DCAF8L2: variants seen among roughly 807,000 people sequenced by gnomAD.
DCAF8L2 encodes DDB1 and CUL4 associated factor 8 like 2, also known as DDB1- and CUL4-associated factor 8-like protein 2.
For missense variants in DCAF8L2, 430 were observed against 490.7 expected (o/e 0.88, Z 1.17); for synonymous variants, 200 against 190.9 (o/e 1.05, Z -0.39).
At chrX:27,691,798 A>G (rs1346717107) in intron 3 of DCAF8L2, among the ~76,000 whole-genome samples, 1 of 111,965 alleles carries the variant, frequency 8.9e-6, no homozygotes, top group Non-Finnish European at 1.9e-5. Context: ...TTTAAAACCC[A>G]TTTTATTATG....
the DCAF8L2 span, among the ~76,000 whole-genome samples, chrX:27,493,711 AAAAAAAAAAAAAG>A: frequency 0.015 from 539 of 36,053 alleles, 6 homozygotes; most frequent in East Asian, 0.051. Context: ...CATCTCAAAA[AAAAAAAAAAAAAG>A]AAAAAAAAAA....
At chrX:27,712,149 G>A (rs1931555042) in intron 3 of DCAF8L2, among the ~76,000 whole-genome samples, 1 of 111,135 alleles carries the variant, frequency 9.0e-6, no homozygotes, top group Non-Finnish European at 1.9e-5. Flanking sequence ...CCGGATTTTG[G>A]CATTATTTTA....
the DCAF8L2 span, among the ~76,000 whole-genome samples, chrX:27,573,254 TCACACA>T: frequency 1.0e-5 from 1 of 99,710 alleles, no homozygotes; most frequent in East Asian, 3.3e-4. Flanking sequence ...TCTCTCTCTC[TCACACA>T]CACACACACA....
the DCAF8L2 span, among the ~76,000 whole-genome samples, chrX:27,560,281 AAAAG>A: frequency 1.8e-5 from 2 of 109,824 alleles, no homozygotes; most frequent in Non-Finnish European, 3.8e-5. Context: ...AAAAAAAAAA[AAAAG>A]ATGACAAGGT....
chrX:27,622,688 A>G (rs746743728), intron 1 of DCAF8L2, among the ~76,000 whole-genome samples: 2 of 111,424 alleles, frequency 1.8e-5, no homozygotes, highest in East Asian at 2.8e-4. Flanking sequence ...AAAATCAGGT[A>G]CACTTAAATA....
chrX:27,647,003 A>G (rs1928965169), intron 2 of DCAF8L2, among the ~76,000 whole-genome samples: 1 of 111,580 alleles, frequency 9.0e-6, no homozygotes, highest in South Asian at 3.8e-4. Context: ...CAGTGTGGTG[A>G]CTCTTCAAAG....
intron 3 of DCAF8L2, among the ~76,000 whole-genome samples, chrX:27,708,715 A>T (rs1030333459): frequency 8.9e-6 from 1 of 112,143 alleles, no homozygotes; most frequent in Non-Finnish European, 1.9e-5. Context: ...TTTTCAGGTT[A>T]AACCCCTACC....
the DCAF8L2 span, among the ~76,000 whole-genome samples, chrX:27,491,638 C>T: frequency 1.8e-5 from 2 of 111,980 alleles, no homozygotes; most frequent in Admixed American, 9.5e-5. Flanking sequence ...ATGATGATTT[C>T]GAAACTGCAA....
chrX:27,560,541 A>C, the DCAF8L2 span, among the ~76,000 whole-genome samples: 70 of 111,881 alleles, frequency 6.3e-4, 1 homozygote, highest in Admixed American at 5.9e-3. Context: ...GGTGATAGCT[A>C]CTATGCAGCT....
the DCAF8L2 span, among the ~76,000 whole-genome samples, chrX:27,580,821 C>T: frequency 8.9e-6 from 1 of 111,785 alleles, no homozygotes; most frequent in Non-Finnish European, 1.9e-5. Context: ...TGTTTTCCTA[C>T]CTAGCTCTCT....
intron 1 of DCAF8L2, among the ~76,000 whole-genome samples, chrX:27,620,739 A>G (rs755630091): frequency 2.7e-5 from 3 of 112,088 alleles, no homozygotes; most frequent in Non-Finnish European, 5.6e-5. Context: ...GTAAAATGGT[A>G]TAATTGCTGT....
chrX:27,522,918 C>T, the DCAF8L2 span, among the ~76,000 whole-genome samples: 32 of 111,547 alleles, frequency 2.9e-4, no homozygotes, highest in African/African-American at 8.5e-4. Context: ...CTTACTAGCC[C>T]GTTCATGTAC....
chrX:27,559,132 C>T, the DCAF8L2 span, among the ~76,000 whole-genome samples: 1 of 110,739 alleles, frequency 9.0e-6, no homozygotes, highest in African/African-American at 3.3e-5. Context: ...CCTGTACAGC[C>T]CATAGAACTG....
At chrX:27,545,776 A>C in the DCAF8L2 span, among the ~76,000 whole-genome samples, 2 of 111,992 alleles carry the variant, frequency 1.8e-5, no homozygotes. Context: ...ACTTACAATC[A>C]TAGTGGAAGG....
chrX:27,606,011 GTC>G (rs1408691412), intron 1 of DCAF8L2, among the ~76,000 whole-genome samples: 2 of 107,569 alleles, frequency 1.9e-5, no homozygotes, highest in African/African-American at 6.8e-5. Context: ...GAGGGAAAGA[GTC>G]TGTTGAATAG....
At chrX:27,732,929 C>T (rs908688495) in intron 4 of DCAF8L2, among the ~76,000 whole-genome samples, 1 of 111,116 alleles carries the variant, frequency 9.0e-6, no homozygotes. Context: ...GCAACCTCGG[C>T]TCACTGCAAC....
At chrX:27,480,797 G>C in the DCAF8L2 span, among the ~76,000 whole-genome samples, 2 of 111,366 alleles carry the variant, frequency 1.8e-5, no homozygotes, top group South Asian at 7.6e-4. Context: ...TTGACCTACT[G>C]GACCCTAACT....
the DCAF8L2 span, among the ~76,000 whole-genome samples, chrX:27,580,164 G>T: frequency 2.7e-5 from 3 of 110,794 alleles, no homozygotes; most frequent in Non-Finnish European, 5.7e-5. Context: ...GGACTCAAGT[G>T]AGGTGTATTA....
At chrX:27,735,389 G>T (rs1225544652) in intron 4 of DCAF8L2, among the ~76,000 whole-genome samples, 2 of 111,773 alleles carry the variant, frequency 1.8e-5, no homozygotes, top group Non-Finnish European at 3.8e-5. Flanking sequence ...GTCTGTTGGG[G>T]CTACTCTCTT....
Sources: gnomAD v4.1 joint callset for allele counts (sites outside exome capture counted in the v4.1 genomes callset) on GRCh38, gnomAD v4.1.1 for gene constraint, MANE v1.5 for transcripts, NCBI Gene and HGNC (gene_info 2026-07-23, HGNC 2026-07-21) for gene names.